KIAA0825: variants seen among roughly 807,000 people sequenced by gnomAD.
KIAA0825 encodes the protein KIAA0825.
Under a neutral mutation model 147.6 loss-of-function variants are expected in KIAA0825, and 119 were observed. That is an observed-to-expected ratio of 0.81 (90% CI 0.69 to 0.94). The LOEUF (loss-of-function observed/expected upper bound fraction) is 0.94, where lower values mean the gene tolerates loss of function less well. Ranked by LOEUF, KIAA0825 falls within the 40% of genes least tolerant of loss-of-function variation. The pLI, the probability that KIAA0825 is intolerant of heterozygous loss-of-function variation, is 0.00. For synonymous variants in KIAA0825, 470 were observed against 518.1 expected, an observed-to-expected ratio of 0.91 and a Z score of 1.26; for missense variants, 1,381 against 1,472.7, an observed-to-expected ratio of 0.94 and a Z score of 1.02.
At chr5:94,498,639 A>G (rs1177303447) in intron 5 of KIAA0825, among the ~76,000 whole-genome samples, 1 of 152,210 alleles carries the variant, frequency 6.6e-6, no homozygotes, top group East Asian at 1.9e-4. Flanking sequence ...GAGATGAGAA[A>G]TGGAAGAACA....
intron 2 of KIAA0825, among the ~76,000 whole-genome samples, chr5:94,544,886 T>C (rs34937820): frequency 6.6e-6 from 1 of 152,064 alleles, no homozygotes; most frequent in South Asian, 2.1e-4. Context: ...AGCAGTGTTA[T>C]AAGAGCCAAA....
At chr5:94,576,413 A>G (rs1255396708) in intron 2 of KIAA0825, among the ~76,000 whole-genome samples, 1 of 152,156 alleles carries the variant, frequency 6.6e-6, no homozygotes, top group Non-Finnish European at 1.5e-5. Flanking sequence ...ATTATGGATT[A>G]CTAGATTAAT....
chr5:94,274,333 T>C (rs1180725845), intron 20 of KIAA0825, among the ~76,000 whole-genome samples: 2 of 152,122 alleles, frequency 1.3e-5, no homozygotes, highest in Non-Finnish European at 2.9e-5. Context: ...AACAAAAAAG[T>C]AGTGAAAGGG....
chr5:94,403,851 G>T, intron 15 of KIAA0825, 58 bp from the exon 16 acceptor site: 1 of 1,384,758 alleles, frequency 7.2e-7, no homozygotes, highest in Non-Finnish European at 1.0e-6. Context: ...GTTGTGCCTT[G>T]CTCAACTAGA....
At chr5:94,158,842 G>A (rs1413273404) in intron 20 of KIAA0825, among the ~76,000 whole-genome samples, 1 of 152,088 alleles carries the variant, frequency 6.6e-6, no homozygotes, top group African/African-American at 2.4e-5. Context: ...AGGTAGAAGA[G>A]ATTAAACACA....
intron 2 of KIAA0825, among the ~76,000 whole-genome samples, chr5:94,572,239 T>G (rs1780118469): frequency 6.6e-6 from 1 of 152,190 alleles, no homozygotes; most frequent in Admixed American, 6.6e-5. Flanking sequence ...CTGGCAGCAT[T>G]AAGTACTTCT....
intron 20 of KIAA0825, among the ~76,000 whole-genome samples, chr5:94,349,020 A>T (rs1452709357): frequency 2.0e-5 from 3 of 152,154 alleles, no homozygotes; most frequent in African/African-American, 7.2e-5. Flanking sequence ...ATGGATAAGA[A>T]CTCACCAACC....
chr5:94,234,406 TAA>T (rs947492255), intron 20 of KIAA0825, among the ~76,000 whole-genome samples: 1 of 148,754 alleles, frequency 6.7e-6, no homozygotes, highest in Non-Finnish European at 1.5e-5. Flanking sequence ...AATAAAAAAA[TAA>T]AAAAAAAATA....
chr5:94,350,262 G>A (rs895068670), intron 20 of KIAA0825, among the ~76,000 whole-genome samples: 3 of 152,170 alleles, frequency 2.0e-5, no homozygotes, highest in Non-Finnish European at 2.9e-5. Flanking sequence ...GACCGATAAC[G>A]AGCAGCGAGA....
chr5:94,496,189 G>A (rs1236476123), intron 5 of KIAA0825, among the ~76,000 whole-genome samples: 2 of 152,134 alleles, frequency 1.3e-5, no homozygotes, highest in African/African-American at 2.4e-5. Flanking sequence ...AGCTAAACAT[G>A]GCTTTTCTCT....
intron 9 of KIAA0825, among the ~76,000 whole-genome samples, chr5:94,470,574 G>T (rs1263444899): frequency 6.6e-6 from 1 of 152,088 alleles, no homozygotes; most frequent in Non-Finnish European, 1.5e-5. Flanking sequence ...CTCATAAACT[G>T]TTTTTTAAAA....
At chr5:94,237,045 G>A (rs1347061114) in intron 20 of KIAA0825, among the ~76,000 whole-genome samples, 1 of 140,342 alleles carries the variant, frequency 7.1e-6, no homozygotes, top group Non-Finnish European at 1.5e-5. Flanking sequence ...TAGGCTATAT[G>A]TGTGTGTGTG....
chr5:94,612,092 A>G (rs1183739056), intron 1 of KIAA0825, among the ~76,000 whole-genome samples: 1 of 152,222 alleles, frequency 6.6e-6, no homozygotes, highest in Non-Finnish European at 1.5e-5. Context: ...TACTGGGAAC[A>G]GATGTTTTGA....
rs118076928 is a variant in KIAA0825 at position 94,579,821 on chromosome 5, C to A, written c.-2+2612G>T. 1.1e-3 allele frequency among the ~76,000 whole-genome samples: 169 copies of A among 152,130 alleles called. 6 individuals carry two copies. The East Asian group carries it at 0.031, about 28-fold the overall frequency. ...TATATGTCAGTACTAGTATTAATAG[C>A]AACAATAACAATGATTTTAAATATT... On this transcript the variant is annotated intron_variant, in intron 2 of 20. Coordinates refer to ENST00000682413, the MANE Select transcript of KIAA0825 (RefSeq NM_001145678.3).
At chr5:94,535,544 A>G (rs1336270963) in intron 3 of KIAA0825, among the ~76,000 whole-genome samples, 1 of 146,846 alleles carries the variant, frequency 6.8e-6, no homozygotes, top group Non-Finnish European at 1.5e-5. Context: ...GTACTTTTTC[A>G]TCTTTTGCCA....
At chr5:94,341,733 A>AT (rs1180725279) in intron 20 of KIAA0825, among the ~76,000 whole-genome samples, 7 of 152,188 alleles carry the variant, frequency 4.6e-5, no homozygotes, top group Non-Finnish European at 1.0e-4. Context: ...ATCTAGTGAA[A>AT]TAAAAAAAAA....
intron 14 of KIAA0825, among the ~76,000 whole-genome samples, chr5:94,418,355 A>G (rs1490314619): frequency 6.6e-6 from 1 of 152,112 alleles, no homozygotes; most frequent in Non-Finnish European, 1.5e-5. Flanking sequence ...GGAGAACATT[A>G]TTGGTTTTGC....
At chr5:94,276,312 T>C (rs1340991904) in intron 20 of KIAA0825, among the ~76,000 whole-genome samples, 4 of 152,178 alleles carry the variant, frequency 2.6e-5, no homozygotes, top group South Asian at 2.1e-4. Flanking sequence ...GTTTCTTTAA[T>C]ATTTACCTAG....
At chr5:94,392,693 A>G (rs1750063188) in intron 17 of KIAA0825, among the ~76,000 whole-genome samples, 1 of 152,128 alleles carries the variant, frequency 6.6e-6, no homozygotes, top group South Asian at 2.1e-4. Context: ...TTTTGCCATG[A>G]TTATAAAATT....
Sources: gnomAD v4.1 joint callset for allele counts (sites outside exome capture counted in the v4.1 genomes callset) on GRCh38, gnomAD v4.1.1 for gene constraint, MANE v1.5 for transcripts, NCBI Gene and HGNC (gene_info 2026-07-23, HGNC 2026-07-21) for gene names.